KDM3B: variants seen among roughly 807,000 people sequenced by gnomAD.
KDM3B encodes the protein lysine-specific demethylase 3B.
Under a neutral mutation model 170.0 loss-of-function variants are expected in KDM3B, and 10 were observed. That is an observed-to-expected ratio of 0.06 (90% confidence interval 0.04 to 0.10). KDM3B has a LOEUF of 0.10. KDM3B is among the 10% of genes least tolerant of loss of function. The pLI, the probability that KDM3B is intolerant of heterozygous loss-of-function variation, is 1.00. For synonymous variants in KDM3B, 831 were observed against 834.8 expected, an observed-to-expected ratio of 1.00 and a Z score of 0.08; for missense variants, 1,394 against 2,195.2, an observed-to-expected ratio of 0.64 and a Z score of 7.29.
At chr5:138,381,814 GTTC>G in intron 6 of KDM3B, 1 of 473,940 alleles carries the variant, frequency 2.1e-6, no homozygotes. Context: ...ATGTTCCCTA[GTTC>G]TTCTAAAGTG....
At chr5:138,418,526 A>G (rs1763168104) in intron 13 of KDM3B, among the ~76,000 whole-genome samples, 1 of 152,226 alleles carries the variant, frequency 6.6e-6, no homozygotes, top group Non-Finnish European at 1.5e-5. Context: ...TTGACTATAT[A>G]GAGTATGTAA....
intron 23 of KDM3B, among the ~76,000 whole-genome samples, chr5:138,431,871 C>G (rs971023822): frequency 6.6e-6 from 1 of 150,510 alleles, no homozygotes; most frequent in Non-Finnish European, 1.5e-5. Flanking sequence ...GAGATCATGC[C>G]ACTGCACTCC....
rs1208192396 is a variant in KDM3B at position 138,386,393 on chromosome 5, A to G, written c.1152A>G (p.Pro384=). ...GGGACACACCTGCATCTTTCACTCCATATTCTACAGCCACAGGTCAGACAC... is the reference window on the plus strand; with the variant it reads ...GGGACACACCTGCATCTTTCACTCCGTATTCTACAGCCACAGGTCAGACAC... ...VGGDTPASFT[P]YSTATGQTPL... is the part of the protein sequence containing the mutation. Residue 384 remains proline (P), a synonymous_variant, in exon 7 of 24, where the codon CCA becomes CCG. Coordinates refer to ENST00000314358, the MANE Select transcript of KDM3B (RefSeq NM_016604.4). 1.2e-6 allele frequency: 2 copies of G among 1,614,222 alleles called. No homozygotes were observed. The highest frequency in any genetic ancestry group is 1.1e-5 in the South Asian group (1 of 91,084).
At chr5:138,397,656 T>A (rs544741345) in intron 9 of KDM3B, among the ~76,000 whole-genome samples, 89 of 152,008 alleles carry the variant, frequency 5.9e-4, no homozygotes, top group African/African-American at 1.9e-3. Flanking sequence ...TGGGCAGTAG[T>A]TCAAGACCAG....
Position 138,398,292 on chromosome 5 carries a change from A to G in KDM3B, c.2946A>G (p.Ile982Met). Residue 982 changes from isoleucine to methionine, a missense_variant, in exon 10 of 24, where the codon ATA becomes ATG. Around this residue, in one of 19 missense-constraint regions of KDM3B, gnomAD observed 76 missense variants for 190.2 expected, o/e 0.40. Coordinates refer to ENST00000314358, the MANE Select transcript of KDM3B (RefSeq NM_016604.4). ...CCTCTTCCTCCCTAGCAGAAGGGAT[A>G]GATCTAGAGACCTCAAAATACATCC... ...WIPSSSLAEG[I>M]DLETSKYILA... is the part of the protein sequence containing the mutation. 6.2e-7 allele frequency: 1 copy of G among 1,614,192 alleles called. No homozygotes were observed. The highest frequency in any genetic ancestry group is 8.5e-7 in the Non-Finnish European group (1 of 1,180,014).
At chr5:138,401,126 C>G (rs1279833476) in intron 11 of KDM3B, among the ~76,000 whole-genome samples, 2 of 152,058 alleles carry the variant, frequency 1.3e-5, no homozygotes, top group African/African-American at 4.8e-5. Context: ...CAAAAATTAG[C>G]CGGGCATGGT....
chr5:138,391,393 C>G lies in KDM3B; in HGVS notation c.1761C>G (p.Ser587Arg). ...TDTKPGSKAGSSVDRKVPAES... is the reference protein window; with the variant it reads ...TDTKPGSKAGRSVDRKVPAES... ...CTAAGCCAGGCTCTAAGGCTGGCAG[C>G]TCTGTGGACCGGAAAGTGCCTGCAG... Residue 587 changes from serine (S) to arginine (R), a missense_variant, in exon 8 of 24, where the codon AGC (serine) becomes AGG (arginine). Around this residue, in one of 19 missense-constraint regions of KDM3B, gnomAD observed 294 missense variants for 311.7 expected, o/e 0.94. Transcript: ENST00000314358. This position sits in a 1 kb window ranked among gnomAD's most constrained non-coding sequence, Gnocchi z 5.0. 1 of 1,613,734 alleles carries G rather than the reference C, an allele frequency of 6.2e-7. No homozygotes were observed. Among genetic ancestry groups the G allele is most frequent in the Non-Finnish European group, 8.5e-7 (1 of 1,179,772 alleles).
intron 6 of KDM3B, among the ~76,000 whole-genome samples, chr5:138,382,896 CT>C (rs1762161271): frequency 6.6e-6 from 1 of 152,100 alleles, no homozygotes; most frequent in Non-Finnish European, 1.5e-5. Flanking sequence ...TATTGGTCCC[CT>C]TTTTTGTTCC....
intron 1 of KDM3B, among the ~76,000 whole-genome samples, chr5:138,355,771 A>C (rs987608651): frequency 1.3e-5 from 2 of 152,194 alleles, no homozygotes; most frequent in Admixed American, 6.5e-5. Flanking sequence ...GGTATTGTAG[A>C]TAAAACAGAC....
intron 22 of KDM3B, 21 bp downstream of exon 22, chr5:138,430,446 T>A (rs28532999): frequency 4.4e-6 from 7 of 1,607,874 alleles, no homozygotes; most frequent in Non-Finnish European, 6.0e-6. Flanking sequence ...GCTTGGGGGT[T>A]GGGCTGAACA....
chr5:138,425,893 C>T, intron 17 of KDM3B: 1 of 191,870 alleles, frequency 5.2e-6, no homozygotes, highest in South Asian at 1.0e-4. Flanking sequence ...ATAATCCCAG[C>T]TACTCAGGAG....
intron 23 of KDM3B, among the ~76,000 whole-genome samples, chr5:138,434,029 C>T (rs369077695): frequency 1.9e-4 from 29 of 152,208 alleles, no homozygotes; most frequent in East Asian, 1.2e-3. Context: ...CGTGAGTCAC[C>T]GTGCCCGTCC....
intron 11 of KDM3B, among the ~76,000 whole-genome samples, chr5:138,410,306 A>G (rs1339332364): frequency 1.3e-5 from 2 of 152,214 alleles, no homozygotes; most frequent in African/African-American, 2.4e-5. Context: ...GACTTGTACT[A>G]CATTTCAAGA....
chr5:138,401,597 G>T (rs946037400), intron 11 of KDM3B, among the ~76,000 whole-genome samples: 2 of 152,082 alleles, frequency 1.3e-5, no homozygotes, highest in Non-Finnish European at 2.9e-5. Context: ...CAGTTTTTTT[G>T]TGTGAACGTA....
chr5:138,391,692 C>T lies in KDM3B; in HGVS notation c.2060C>T (p.Ala687Val). ...TCCTCTGCAGATTCGGCATCTTTAG[C>T]AAAGAAGAAACCCCTCTTCATTACA... ...SHSSADSASL[A>V]KKKPLFITTD... is the part of the protein sequence containing the mutation. The change falls in exon 8 of 24, where the codon GCA (alanine) becomes GTA (valine). Residue 687 changes from alanine to valine, a missense_variant. Physicochemically the swap from Ala to Val is moderately conservative, Grantham distance 64. Around this residue, in one of 19 missense-constraint regions of KDM3B, gnomAD observed 294 missense variants for 311.7 expected, o/e 0.94. Transcript: ENST00000314358. This position sits in a 1 kb window ranked among gnomAD's most constrained non-coding sequence, Gnocchi z 5.0. The T allele has an allele frequency of 6.2e-7, 1 of 1,614,028 alleles. No individual in the cohort carries two copies. Among genetic ancestry groups the T allele is most frequent in the Non-Finnish European group, 8.5e-7 (1 of 1,180,028 alleles).
chr5:138,375,487 C>T (rs531324622), intron 3 of KDM3B, among the ~76,000 whole-genome samples: 74 of 152,082 alleles, frequency 4.9e-4, no homozygotes, highest in African/African-American at 1.8e-3. Flanking sequence ...ACTCCATTCT[C>T]CTGCCTCAGC....
At chr5:138,372,110 C>T (rs1030258676) in intron 1 of KDM3B, among the ~76,000 whole-genome samples, 1 of 152,156 alleles carries the variant, frequency 6.6e-6, no homozygotes, top group Non-Finnish European at 1.5e-5. Context: ...GAGACCCTGT[C>T]TCAATCGATC....
At chr5:138,414,382 G>C (rs980050918) in intron 11 of KDM3B, among the ~76,000 whole-genome samples, 4 of 151,934 alleles carry the variant, frequency 2.6e-5, no homozygotes, top group Admixed American at 1.3e-4. Context: ...AGCCAGGATG[G>C]TCTCGATCTC....
At position 138,391,239 on chromosome 5, in the gene KDM3B, C is replaced by T; in HGVS notation, c.1607C>T (p.Thr536Ile). Residue 536 changes from threonine to isoleucine, a missense_variant, in exon 8 of 24, where the codon ACC (threonine) becomes ATC (isoleucine). By Grantham distance (89) the Thr-to-Ile change is moderately conservative. This residue lies in a region of KDM3B where 294 missense variants were observed against 311.7 expected (regional missense o/e 0.94). Coordinates refer to ENST00000314358, the MANE Select transcript of KDM3B (RefSeq NM_016604.4). This position sits in a 1 kb window ranked among gnomAD's most constrained non-coding sequence, Gnocchi z 5.0. ...FFQCMSQTLP[T>I]SNYFTTVSES... is the part of the protein sequence containing the mutation. ...CAATGCATGTCCCAAACTTTACCTA[C>T]CAGTAACTACTTCACTACTGTTTCA... The T allele has an allele frequency of 6.2e-7, 1 of 1,614,144 alleles. No individual in the cohort carries two copies.
Sources: allele counts gnomAD v4.1 joint callset (sites outside exome capture counted in the v4.1 genomes callset), GRCh38; gene constraint gnomAD v4.1.1; regional missense constraint gnomAD v4.1.1; non-coding constraint Gnocchi (gnomAD v3.1); transcripts MANE v1.5; gene names NCBI Gene and HGNC (gene_info 2026-07-23, HGNC 2026-07-21).